The following BTBD16 variants were observed in gnomAD, a reference collection of about 807,000 sequenced individuals.
The protein encoded by BTBD16 is BTB domain containing 16, also known as BTB/POZ domain-containing protein 16.
In BTBD16, 66 loss-of-function variants were observed where a neutral mutation model predicts 67.4. The ratio of observed to expected loss-of-function variants is 0.98; its 90% CI spans 0.80 to 1.20. The LOEUF is 1.20. BTBD16 is among the 50% of genes most tolerant of loss of function. The pLI, the probability that BTBD16 is intolerant of heterozygous loss-of-function variation, is 0.00. For synonymous variants in BTBD16, 242 were observed against 236.4 expected, an observed-to-expected ratio of 1.02 and a Z score of -0.22; for missense variants, 634 against 616.0, an observed-to-expected ratio of 1.03 and a Z score of -0.31.
At position 122,274,504 on chromosome 10, in the gene BTBD16, A is replaced by C. The variant is rs556789270; in HGVS notation, c.-42-536A>C. 2.0e-5 allele frequency among the ~76,000 whole-genome samples: 3 copies of C among 149,908 alleles called. No homozygotes were observed. In the South Asian group the frequency reaches 6.3e-4, roughly 31 times the overall value. On this transcript the variant is annotated intron_variant, in intron 1 of 15. Transcript: ENST00000260723. Reference sequence around the variant, plus strand: ...TTCCAATCAATCTTAACCTCCCCGCAACCCCATAATCAAATGGGTTTCTGT... The same window carrying C: ...TTCCAATCAATCTTAACCTCCCCGCCACCCCATAATCAAATGGGTTTCTGT...
In BTBD16 at chr10:122,332,524, C is replaced by A; in HGVS notation, c.1164+11C>A. 6.2e-7 allele frequency: 1 copy of A among 1,608,946 alleles called. No homozygotes were observed. The highest frequency in any genetic ancestry group is 8.5e-7 in the Non-Finnish European group (1 of 1,175,446). ...CTGCTCTTTAACCAGGTACTGAGAACTGTACCCGAACAAGGGGAAGAACTG... is the reference window on the plus strand; with the variant it reads ...CTGCTCTTTAACCAGGTACTGAGAAATGTACCCGAACAAGGGGAAGAACTG... On this transcript the variant is annotated intron_variant, in intron 13 of 15. Coordinates refer to ENST00000260723, the MANE Select transcript of BTBD16 (RefSeq NM_144587.5).
chr10:122,273,724 G>A (rs2096334238), intron 1 of BTBD16, among the ~76,000 whole-genome samples: 1 of 152,080 alleles, frequency 6.6e-6, no homozygotes, highest in African/African-American at 2.4e-5. Flanking sequence ...CTCCAGCCTG[G>A]GCAACAGAGC....
chr10:122,317,654 CACAAAAAAACAAAAAAA>C (rs1331707221), intron 10 of BTBD16, among the ~76,000 whole-genome samples: 1 of 108,434 alleles, frequency 9.2e-6, no homozygotes, highest in Non-Finnish European at 1.9e-5. Flanking sequence ...CTCAAAAAAA[CACAAAAAAACAAAAAAA>C]ACAAAAAAAC....
chr10:122,334,437 G>A (rs1395987390), intron 13 of BTBD16, among the ~76,000 whole-genome samples: 1 of 144,842 alleles, frequency 6.9e-6, no homozygotes, highest in South Asian at 2.2e-4. Context: ...CCTCGTGATC[G>A]GCCCGCCTCA....
intron 13 of BTBD16, 39 bp from the exon 14 acceptor site, chr10:122,334,842 T>C: frequency 7.8e-7 from 1 of 1,278,372 alleles, no homozygotes; most frequent in Non-Finnish European, 1.1e-6. Flanking sequence ...ACTAAATATT[T>C]TCCCCCCTTC....
At chr10:122,335,728 T>C (rs918726309) in intron 14 of BTBD16, among the ~76,000 whole-genome samples, 1 of 152,248 alleles carries the variant, frequency 6.6e-6, no homozygotes, top group Non-Finnish European at 1.5e-5. Context: ...ACAACTATGA[T>C]GAAAGATTGC....
In BTBD16 at chr10:122,332,433, C is replaced by T; in HGVS notation, c.1087-3C>T. The stretch of plus-strand genomic sequence containing the variant: ...TGGTCAGCTGTGTGCATTTTCCTTT[C>T]AGCTGGAGAATGGGGGCGACATGGT... On this transcript the variant is annotated splice_region_variant and splice_polypyrimidine_tract_variant and intron_variant, in intron 12 of 15. Transcript: ENST00000260723. The T allele has an allele frequency of 6.2e-7, 1 of 1,613,844 alleles. No homozygotes were observed.
rs200501844 is a variant in BTBD16, at chr10:122,298,912, C to T, written c.661-92C>T. The stretch of plus-strand genomic sequence containing the variant: ...GTTTGAGCGCCTCTGCAGTGACTCT[C>T]CCTCTGAGCACACGTGTAGTGTCGT... On this transcript the variant is annotated intron_variant, in intron 8 of 15. Coordinates refer to ENST00000260723, the MANE Select transcript of BTBD16 (RefSeq NM_144587.5). 46 of 1,529,398 alleles carry T rather than the reference C, an allele frequency of 3.0e-5. No individual in the cohort carries two copies. The East Asian group carries it at 4.3e-4, about 14-fold the overall frequency. 94.7% of individuals were successfully genotyped at this position (1,529,398 alleles called of 1,614,324 possible).
At chr10:122,309,650 A>G (rs998612464) in intron 10 of BTBD16, among the ~76,000 whole-genome samples, 1 of 151,818 alleles carries the variant, frequency 6.6e-6, no homozygotes, top group Non-Finnish European at 1.5e-5. Flanking sequence ...GCCTAAAATT[A>G]TTATTTGTAG....
chr10:122,336,738 T>A, intron 15 of BTBD16, 56 bp downstream of exon 15: 2 of 1,439,954 alleles, frequency 1.4e-6, no homozygotes, highest in Non-Finnish European at 1.9e-6. Context: ...CTCTCCCCCA[T>A]CCTTTTGGGG....
chr10:122,313,257 G>GTTTTTTTT, intron 10 of BTBD16, among the ~76,000 whole-genome samples: 1 of 139,136 alleles, frequency 7.2e-6, no homozygotes, highest in Non-Finnish European at 1.5e-5. Flanking sequence ...AGTTAGTGCT[G>GTTTTTTTT]TTTTTTTTTT....
At chr10:122,304,584 T>C (rs1478858166) in intron 9 of BTBD16, among the ~76,000 whole-genome samples, 3 of 132,372 alleles carry the variant, frequency 2.3e-5, no homozygotes, top group Non-Finnish European at 3.1e-5. Flanking sequence ...AGACAGAGTC[T>C]CCCTATGTCG....
At chr10:122,279,967 A>G (rs956365863) in intron 3 of BTBD16, among the ~76,000 whole-genome samples, 2 of 152,046 alleles carry the variant, frequency 1.3e-5, no homozygotes, top group East Asian at 1.9e-4. Context: ...CAGCTGGCCA[A>G]CACTTCCTTC....
chr10:122,289,814 A>G, intron 5 of BTBD16, 95 bp from the exon 6 acceptor site: 1 of 730,104 alleles, frequency 1.4e-6, no homozygotes, highest in Non-Finnish European at 2.4e-6. Context: ...ACATATCTTG[A>G]TACCTCATGG....
chr10:122,291,856 G>A (rs1284821527), intron 7 of BTBD16, among the ~76,000 whole-genome samples: 2 of 152,160 alleles, frequency 1.3e-5, no homozygotes, highest in Non-Finnish European at 2.9e-5. Context: ...CTGCCCATCG[G>A]GAGGGTTCAT....
chr10:122,318,788 G>T (rs2096430671), intron 10 of BTBD16, among the ~76,000 whole-genome samples: 1 of 152,152 alleles, frequency 6.6e-6, no homozygotes, highest in Non-Finnish European at 1.5e-5. Context: ...GTTTTGCCAT[G>T]GTGGCCAGGC....
chr10:122,321,715 T>C (rs1388555478), intron 10 of BTBD16, among the ~76,000 whole-genome samples: 1 of 152,192 alleles, frequency 6.6e-6, no homozygotes, highest in Non-Finnish European at 1.5e-5. Context: ...GTTTTTTGCT[T>C]GTTGATTTGT....
At chr10:122,335,110 C>T in intron 14 of BTBD16, 131 bp downstream of exon 14, 3 of 551,664 alleles carry the variant, frequency 5.4e-6, no homozygotes, top group Non-Finnish European at 3.1e-6. Flanking sequence ...TAAGTGCTAA[C>T]CACGCTCATG....
At position 122,283,377 on chromosome 10, in the gene BTBD16, G is replaced by T. The variant is rs1053811132; in HGVS notation, c.168-474G>T. 3.9e-5 allele frequency among the ~76,000 whole-genome samples: 6 copies of T among 152,336 alleles called. No homozygotes were observed. In the East Asian group the frequency reaches 1.2e-3, roughly 29 times the overall value. ...GTGCCATTTCCTGAAATGAGAATCC[G>T]AGTGAGCAGGGTAGGATTTGGGGTA... On this transcript the variant is annotated intron_variant, in intron 3 of 15. Coordinates refer to ENST00000260723, the MANE Select transcript of BTBD16 (RefSeq NM_144587.5).
Sources: gnomAD v4.1 joint callset for allele counts (sites outside exome capture counted in the v4.1 genomes callset) on GRCh38, gnomAD v4.1.1 for gene constraint, MANE v1.5 for transcripts, NCBI Gene and HGNC (gene_info 2026-07-23, HGNC 2026-07-21) for gene names.